The following ADAMTS18 variants were observed in gnomAD, a reference collection of about 807,000 sequenced individuals.
The protein encoded by ADAMTS18 is A disintegrin and metalloproteinase with thrombospondin motifs 18.
Under a neutral mutation model 165.9 loss-of-function variants are expected in ADAMTS18, and 157 were observed. The ratio of observed to expected loss-of-function variants is 0.95; its 90% CI spans 0.83 to 1.08. The LOEUF (loss-of-function observed/expected upper bound fraction) is 1.08. ADAMTS18 is among the 50% of genes least tolerant of loss of function. ADAMTS18 has a pLI of 0.00. For synonymous variants in ADAMTS18, 782 were observed against 578.2 expected (o/e 1.35, Z -5.06); for missense variants, 2,040 against 1,534.0 (o/e 1.33, Z -5.51).
chr16:77,412,737 A>G (rs899907678), intron 3 of ADAMTS18, among the ~76,000 whole-genome samples: 7 of 152,188 alleles, frequency 4.6e-5, no homozygotes, highest in Non-Finnish European at 4.4e-5. Flanking sequence ...AGATCACATG[A>G]GACTTATTCA....
chr16:77,347,487 A>G (rs951596570), intron 10 of ADAMTS18, among the ~76,000 whole-genome samples: 13 of 152,262 alleles, frequency 8.5e-5, no homozygotes, highest in Non-Finnish European at 4.4e-5. Context: ...AATCTTTTTA[A>G]TATTCTCCAT....
chr16:77,336,676 C>T (rs2056315963), intron 11 of ADAMTS18, among the ~76,000 whole-genome samples: 2 of 152,156 alleles, frequency 1.3e-5, no homozygotes, highest in African/African-American at 2.4e-5. Flanking sequence ...TCTGTATTAA[C>T]CTTTCCATTT....
chr16:77,364,062 A>C (rs1174768688), intron 5 of ADAMTS18, 126 bp downstream of exon 5: 1 of 1,350,664 alleles, frequency 7.4e-7, no homozygotes, highest in African/African-American at 1.4e-5. Flanking sequence ...AGCTATTAAA[A>C]GTAATGGCAG....
chr16:77,368,941 T>G (rs577437241), intron 3 of ADAMTS18, among the ~76,000 whole-genome samples: 1 of 152,238 alleles, frequency 6.6e-6, no homozygotes, highest in African/African-American at 2.4e-5. Flanking sequence ...TCTTCGTACC[T>G]GATTTTGCAG....
intron 10 of ADAMTS18, 63 bp from the exon 11 acceptor site, chr16:77,341,862 A>G (rs1319461456): frequency 3.4e-6 from 4 of 1,178,144 alleles, no homozygotes; most frequent in Non-Finnish European, 5.0e-6. Flanking sequence ...AAAATATTCA[A>G]AGATGTTGTA....
intron 17 of ADAMTS18, among the ~76,000 whole-genome samples, chr16:77,298,765 C>A (rs28392786): frequency 9.1e-4 from 139 of 152,332 alleles, no homozygotes; most frequent in African/African-American, 3.3e-3. Context: ...GCATTCCAGC[C>A]TGGGTGACAG....
At chr16:77,414,097 A>G (rs555299468) in intron 3 of ADAMTS18, among the ~76,000 whole-genome samples, 41 of 152,334 alleles carry the variant, frequency 2.7e-4, no homozygotes, top group African/African-American at 9.1e-4. Flanking sequence ...AACAGAACCA[A>G]CGTAAGTATA....
Position 77,295,946 on chromosome 16 carries a change from T to A in ADAMTS18, c.2802-819A>T, listed in dbSNP as rs556584321. On this transcript the variant is annotated intron_variant, in intron 18 of 22. Coordinates refer to ENST00000282849, the MANE Select transcript of ADAMTS18 (RefSeq NM_199355.4). ...GCAACCTCTGCCTCCCAGGCTCAAG[T>A]GATTCTCCTGCCTCAGCCTCAGATT... Among the ~76,000 whole-genome samples, 5 of 151,930 alleles carry A rather than the reference T, an allele frequency of 3.3e-5. No homozygotes were observed. The South Asian group carries it at 1.0e-3, about 32-fold the overall frequency.
chr16:77,411,253 T>C (rs1015123783), intron 3 of ADAMTS18, among the ~76,000 whole-genome samples: 2 of 152,130 alleles, frequency 1.3e-5, no homozygotes, highest in African/African-American at 2.4e-5. Context: ...CTCCCTGACA[T>C]ATATATATCT....
At chr16:77,365,698 A>G (rs1177191174) in intron 4 of ADAMTS18, among the ~76,000 whole-genome samples, 1 of 152,214 alleles carries the variant, frequency 6.6e-6, no homozygotes, top group Non-Finnish European at 1.5e-5. Flanking sequence ...GAAAAATGGC[A>G]CCTGGAAAGC....
rs764755435 is a variant in ADAMTS18 at position 77,431,568 on chromosome 16, T to C, written c.222A>G (p.Ser74=). Residue 74 remains serine, a synonymous_variant, in exon 3 of 23, where the codon TCA becomes TCG. Transcript: ENST00000282849. Reference sequence around the variant, plus strand: ...TGTGCAAAATGTCGTGTGAAATATATGACCCGGCTGAGTCTACTTCTACTG... The same window carrying C: ...TGTGCAAAATGTCGTGTGAAATATACGACCCGGCTGAGTCTACTTCTACTG... ...VTPVEVDSAG[S]YISHDILHNG... is the part of the protein sequence containing the mutation. The C allele has an allele frequency of 5.6e-6, 9 of 1,614,086 alleles. No homozygotes were observed. The highest frequency in any genetic ancestry group is 2.7e-5 in the African/African-American group (2 of 74,918).
chr16:77,283,433 C>G lies in ADAMTS18; in HGVS notation c.*523G>C, dbSNP rs2055186693. ...AACATGAAGCTTGCCAGTCCAGCAGCAAGCACAATTGCGAGCACCATTTGG... is the reference window on the plus strand; with the variant it reads ...AACATGAAGCTTGCCAGTCCAGCAGGAAGCACAATTGCGAGCACCATTTGG... On this transcript the variant is annotated 3_prime_UTR_variant, in exon 23 of 23. Transcript: ENST00000282849. 6.2e-6 allele frequency: 1 copy of G among 160,606 alleles called. No individual in the cohort carries two copies. The highest frequency in any genetic ancestry group is 2.4e-5 in the African/African-American group (1 of 41,472). The allele number at this position is 160,606 out of a possible 1,614,324, so 9.9% of individuals were successfully genotyped here.
chr16:77,286,014 C>T (rs114164140), intron 22 of ADAMTS18, among the ~76,000 whole-genome samples: 69 of 152,298 alleles, frequency 4.5e-4, no homozygotes, highest in Middle Eastern at 3.4e-3. Flanking sequence ...TGGCTTCCAT[C>T]GTACTCAGCG....
intron 8 of ADAMTS18, among the ~76,000 whole-genome samples, chr16:77,358,121 A>C (rs559682908): frequency 2.8e-4 from 42 of 152,286 alleles, no homozygotes; most frequent in African/African-American, 9.9e-4. Flanking sequence ...TCGCTTCTCC[A>C]TTTACAATTT....
chr16:77,384,170 T>C (rs2057073447), intron 3 of ADAMTS18, among the ~76,000 whole-genome samples: 1 of 152,148 alleles, frequency 6.6e-6, no homozygotes, highest in Non-Finnish European at 1.5e-5. Context: ...GCAATATGTA[T>C]GGTGCTAAGG....
intron 3 of ADAMTS18, among the ~76,000 whole-genome samples, chr16:77,397,612 G>A (rs1408973388): frequency 6.6e-6 from 1 of 152,198 alleles, no homozygotes; most frequent in Non-Finnish European, 1.5e-5. Context: ...TACAGAGCAT[G>A]AGAAGAAAAT....
intron 3 of ADAMTS18, among the ~76,000 whole-genome samples, chr16:77,421,506 T>C (rs969394036): frequency 6.6e-6 from 1 of 152,262 alleles, no homozygotes; most frequent in Non-Finnish European, 1.5e-5. Context: ...AAACTGTTTA[T>C]TGCTGATGGT....
In ADAMTS18 at chr16:77,283,924, C is replaced by G. The variant is rs563300881; in HGVS notation, c.*32G>C. ...TCTCTAGAGGTTGAAAGGTAAGCCC[C>G]TGGCCCTAAGGTGCTGGGGAGGACA... On this transcript the variant is annotated 3_prime_UTR_variant, in exon 23 of 23. Coordinates refer to ENST00000282849, the MANE Select transcript of ADAMTS18 (RefSeq NM_199355.4). The G allele has an allele frequency of 1.3e-6, 2 of 1,553,482 alleles. No individual in the cohort carries two copies. Among genetic ancestry groups the G allele is most frequent in the Admixed American group, 3.3e-5 (2 of 59,884 alleles).
At chr16:77,331,649 G>C (rs149099047) in intron 12 of ADAMTS18, among the ~76,000 whole-genome samples, 2 of 152,042 alleles carry the variant, frequency 1.3e-5, no homozygotes, top group African/African-American at 4.8e-5. Flanking sequence ...AGACATTTTT[G>C]GTTGTCACAG....
Sources: allele counts gnomAD v4.1 joint callset (sites outside exome capture counted in the v4.1 genomes callset), GRCh38; gene constraint gnomAD v4.1.1; transcripts MANE v1.5; gene names NCBI Gene and HGNC (gene_info 2026-07-23, HGNC 2026-07-21).